The following WNK1 variants were observed in gnomAD, a reference collection of about 807,000 sequenced individuals.
WNK1 encodes the protein serine/threonine-protein kinase WNK1.
Under a neutral mutation model 222.8 loss-of-function variants are expected in WNK1, and 38 were observed. That is an observed-to-expected ratio of 0.17 (90% confidence interval 0.13 to 0.22). The LOEUF (loss-of-function observed/expected upper bound fraction) is 0.22, where lower values mean the gene tolerates loss of function less well. Ranked by LOEUF, WNK1 falls within the 10% of genes least tolerant of loss-of-function variation. The probability of loss-of-function intolerance (pLI) is 1.00; values close to 1 mark genes in which losing one functional copy is unlikely to be tolerated. For missense variants in WNK1, 2,348 were observed against 2,918.4 expected (o/e 0.80, Z 4.50); for synonymous variants, 1,090 against 1,092.9 (o/e 1.00, Z 0.05).
intron 8 of WNK1, among the ~76,000 whole-genome samples, chr12:864,775 C>T (rs1371008228): frequency 6.6e-6 from 1 of 152,148 alleles, no homozygotes; most frequent in East Asian, 1.9e-4. Context: ...TCATTGTTTT[C>T]CCTGTCTGCA....
At chr12:870,016 G>A (rs1952007291) in intron 8 of WNK1, among the ~76,000 whole-genome samples, 2 of 151,976 alleles carry the variant, frequency 1.3e-5, no homozygotes, top group African/African-American at 4.8e-5. Context: ...TATTCATTTG[G>A]TATATTTTAT....
intron 8 of WNK1, chr12:865,187 G>GC (rs1951552931): frequency 6.7e-7 from 1 of 1,484,736 alleles, no homozygotes; most frequent in East Asian, 2.6e-5. Context: ...CTCTCCCAGT[G>GC]CTCTTCCACC....
intron 4 of WNK1, among the ~76,000 whole-genome samples, chr12:842,120 T>C (rs1178170922): frequency 1.3e-5 from 2 of 152,208 alleles, no homozygotes; most frequent in Non-Finnish European, 2.9e-5. Context: ...CAAAGTAATG[T>C]CAAATATAGT....
chr12:825,701 G>A (rs139663435), intron 2 of WNK1, among the ~76,000 whole-genome samples: 3 of 152,132 alleles, frequency 2.0e-5, no homozygotes, highest in African/African-American at 7.2e-5. Context: ...GAGAATATCA[G>A]TAAAGACATA....
chr12:850,900 G>T (rs1211278037), intron 4 of WNK1, among the ~76,000 whole-genome samples: 2 of 152,126 alleles, frequency 1.3e-5, no homozygotes, highest in Non-Finnish European at 2.9e-5. Flanking sequence ...TGTTACTTCT[G>T]AGGGCTCTGT....
chr12:869,237 C>CCAAAG, intron 8 of WNK1: 1 of 1,335,224 alleles, frequency 7.5e-7, no homozygotes, highest in Non-Finnish European at 1.1e-6. Context: ...AGAGTTTCCC[C>CCAAAG]ATCTTTGGGG....
At chr12:842,300 A>G (rs1949687626) in intron 4 of WNK1, among the ~76,000 whole-genome samples, 1 of 152,152 alleles carries the variant, frequency 6.6e-6, no homozygotes, top group South Asian at 2.1e-4. Context: ...CAAAAAACAC[A>G]ATTACTTTTG....
chr12:800,020 C>A (rs918735736), intron 1 of WNK1, among the ~76,000 whole-genome samples: 1 of 152,076 alleles, frequency 6.6e-6, no homozygotes, highest in Non-Finnish European at 1.5e-5. Context: ...GGTGCGCACC[C>A]ATAGTCCCAG....
At chr12:842,626 A>G (rs1949713883) in intron 4 of WNK1, among the ~76,000 whole-genome samples, 1 of 152,174 alleles carries the variant, frequency 6.6e-6, no homozygotes, top group South Asian at 2.1e-4. Context: ...GTTTCAAGAC[A>G]GTTTTTCTAA....
At chr12:888,987 C>G (rs545296473) in intron 20 of WNK1, among the ~76,000 whole-genome samples, 153 bp from the exon 21 acceptor site, 3 of 152,316 alleles carry the variant, frequency 2.0e-5, no homozygotes, top group South Asian at 4.1e-4. Flanking sequence ...AAGCAGTACA[C>G]TAAATTTGAG....
chr12:801,344 T>C (rs1353557034), intron 1 of WNK1, among the ~76,000 whole-genome samples: 2 of 152,090 alleles, frequency 1.3e-5, no homozygotes, highest in Non-Finnish European at 2.9e-5. Context: ...GCGTTGAAAA[T>C]TGAGGAGGCA....
At chr12:857,872 C>T (rs1950905223) in intron 5 of WNK1, among the ~76,000 whole-genome samples, 1 of 152,194 alleles carries the variant, frequency 6.6e-6, no homozygotes, top group Admixed American at 6.5e-5. Context: ...TTCTGAAAAA[C>T]AGTCTATCTT....
intron 8 of WNK1, chr12:868,569 C>T: frequency 2.5e-6 from 4 of 1,613,946 alleles, no homozygotes; most frequent in Non-Finnish European, 3.4e-6. Context: ...GTCTTTGTTC[C>T]TCATTCTGCG....
rs1450970677 is a variant in WNK1 at position 896,399 on chromosome 12, A to C, written c.5912A>C (p.Lys1971Thr). The part of the protein sequence containing the change: ...SKTEDKITDT[K>T]KEGPVASPPF... The stretch of plus-strand genomic sequence containing the variant: ...ACTGAGGACAAGATCACTGACACAA[A>C]GAAAGAAGGACCAGTGGCATCTCCT... The change falls in exon 24 of 28, where the codon AAG becomes ACG. Residue 1971 changes from lysine (K) to threonine (T), a missense_variant. This residue lies in a region of WNK1 where 1,144 missense variants were observed against 1,273.6 expected (regional missense o/e 0.90). Transcript: ENST00000315939. 6.2e-7 allele frequency: 1 copy of C among 1,614,082 alleles called. No homozygotes were observed. The highest frequency in any genetic ancestry group is 8.5e-7 in the Non-Finnish European group (1 of 1,180,050).
intron 8 of WNK1, among the ~76,000 whole-genome samples, chr12:870,452 C>A (rs1952047524): frequency 6.6e-6 from 1 of 152,116 alleles, no homozygotes; most frequent in Admixed American, 6.6e-5. Context: ...TTAAGGAACC[C>A]CTTGTAAACT....
intron 1 of WNK1, among the ~76,000 whole-genome samples, chr12:807,298 T>C (rs1468786085): frequency 6.6e-6 from 1 of 151,564 alleles, no homozygotes; most frequent in South Asian, 2.1e-4. Context: ...TCTCTGTTTT[T>C]TTTTTTTTTT....
In WNK1 at chr12:885,597, C is replaced by T. The variant is rs750595427; in HGVS notation, c.4793C>T (p.Pro1598Leu). 6 of 1,614,032 alleles carry T rather than the reference C, an allele frequency of 3.7e-6. No individual in the cohort carries two copies. In the South Asian group the frequency reaches 4.4e-5, roughly 12 times the overall value. ...PTSTPLLPQV[P>L]SIPPLVQPVA... ...TCTACACCTTTATTACCCCAAGTAC[C>T]TAGTATCCCACCCTTGGTACAGCCT... Residue 1598 changes from proline (P) to leucine (L), a missense_variant, in exon 19 of 28, where the codon CCT becomes CTT. Pro to Leu is a moderately conservative substitution (Grantham distance 98). This residue lies in a region of WNK1 where 1,144 missense variants were observed against 1,273.6 expected (regional missense o/e 0.90). Transcript: ENST00000315939.
At chr12:815,339 G>A (rs1947258733) in intron 2 of WNK1, among the ~76,000 whole-genome samples, 1 of 152,146 alleles carries the variant, frequency 6.6e-6, no homozygotes, top group African/African-American at 2.4e-5. Flanking sequence ...AGTTAATACT[G>A]CTGAGCTGAT....
intron 1 of WNK1, among the ~76,000 whole-genome samples, chr12:756,281 TCCTTTTATCA>T (rs746383811): frequency 1.3e-5 from 2 of 152,212 alleles, no homozygotes; most frequent in Non-Finnish European, 2.9e-5. Context: ...ATGTGTGTTT[TCCTTTTATCA>T]CCTGGAATTT....
Sources: allele counts gnomAD v4.1 joint callset (sites outside exome capture counted in the v4.1 genomes callset), GRCh38; gene constraint gnomAD v4.1.1; regional missense constraint gnomAD v4.1.1; transcripts MANE v1.5; gene names NCBI Gene and HGNC (gene_info 2026-07-23, HGNC 2026-07-21).